Variants in FMNL2 observed in about 807,000 individuals in gnomAD.
FMNL2 encodes formin like 2, also known as formin-like protein 2.
A neutral mutation model predicts 130.2 loss-of-function variants in FMNL2; 51 were observed. The ratio of observed to expected loss-of-function variants is 0.39; its 90% CI spans 0.31 to 0.49. FMNL2 has a LOEUF of 0.49. FMNL2 is among the 20% of genes least tolerant of loss of function. The probability of loss-of-function intolerance (pLI) is 0.85; values close to 1 mark genes in which losing one functional copy is unlikely to be tolerated. For synonymous variants in FMNL2, 465 were observed against 467.1 expected (o/e 1.00, Z 0.06); for missense variants, 977 against 1,316.2 (o/e 0.74, Z 3.99).
intron 9 of FMNL2, among the ~76,000 whole-genome samples, chr2:152,599,244 G>A (rs188890084): frequency 2.6e-5 from 4 of 152,214 alleles, no homozygotes; most frequent in South Asian, 2.1e-4. Flanking sequence ...ATTACAAGTA[G>A]CCTTGAAAGA....
intron 1 of FMNL2, among the ~76,000 whole-genome samples, chr2:152,424,538 G>A (rs1309217234): frequency 6.6e-6 from 1 of 151,958 alleles, no homozygotes; most frequent in African/African-American, 2.4e-5. Context: ...TTACAGGCGT[G>A]CGCCACCATG....
rs1685446576 is a variant in FMNL2, at chr2:152,397,275, A to T, written c.117+61555A>T. ...AAAAAGTCCCAAGCACAGATGGTTCACCTGGGTAATTTGCAAGGAAACTGG... is the reference window on the plus strand; with the variant it reads ...AAAAAGTCCCAAGCACAGATGGTTCTCCTGGGTAATTTGCAAGGAAACTGG... On this transcript the variant is annotated intron_variant, in intron 1 of 25. Coordinates refer to ENST00000288670, the MANE Select transcript of FMNL2 (RefSeq NM_052905.4). Among the ~76,000 whole-genome samples the T allele has an allele frequency of 2.0e-5, 3 of 152,260 alleles. No individual in the cohort carries two copies. In the South Asian group the frequency reaches 6.2e-4, roughly 32 times the overall value.
At chr2:152,472,427 C>A (rs1030014653) in intron 1 of FMNL2, among the ~76,000 whole-genome samples, 1 of 152,070 alleles carries the variant, frequency 6.6e-6, no homozygotes, top group African/African-American at 2.4e-5. Context: ...TAAAAGAACT[C>A]ATTTTATTTA....
At chr2:152,547,969 G>A (rs1481420399) in intron 3 of FMNL2, among the ~76,000 whole-genome samples, 2 of 152,202 alleles carry the variant, frequency 1.3e-5, no homozygotes, top group Non-Finnish European at 2.9e-5. Flanking sequence ...GATGTGCAAT[G>A]TAGCCCATTG....
intron 3 of FMNL2, among the ~76,000 whole-genome samples, chr2:152,546,789 T>G (rs1203240355): frequency 6.6e-6 from 1 of 152,028 alleles, no homozygotes; most frequent in East Asian, 1.9e-4. Flanking sequence ...CCCTAGAATT[T>G]TTTGTCTCCT....
intron 25 of FMNL2, chr2:152,643,295 T>A: frequency 7.4e-7 from 1 of 1,345,552 alleles, no homozygotes; most frequent in Non-Finnish European, 1.0e-6. Context: ...CCCCCTTTCC[T>A]GCCCATCTTC....
chr2:152,611,062 C>T (rs115018312), intron 10 of FMNL2, among the ~76,000 whole-genome samples: 2,140 of 152,252 alleles, frequency 0.014, 51 homozygotes, highest in African/African-American at 0.048. Flanking sequence ...TTAAAGAGGC[C>T]GGGCGCAGTG....
intron 9 of FMNL2, among the ~76,000 whole-genome samples, chr2:152,594,871 T>G (rs1697668548): frequency 6.6e-6 from 1 of 152,222 alleles, no homozygotes. Flanking sequence ...CACAATTGAC[T>G]GAAACACACT....
At chr2:152,523,735 G>A (rs1449958753) in intron 2 of FMNL2, among the ~76,000 whole-genome samples, 1 of 151,946 alleles carries the variant, frequency 6.6e-6, no homozygotes, top group East Asian at 1.9e-4. Flanking sequence ...ATTTAATTTG[G>A]GGCATCCATT....
intron 4 of FMNL2, among the ~76,000 whole-genome samples, chr2:152,554,337 G>A (rs1695095897): frequency 6.6e-6 from 1 of 152,150 alleles, no homozygotes; most frequent in Non-Finnish European, 1.5e-5. Flanking sequence ...AGCCCAGGAG[G>A]TTGAGGCTAC....
intron 1 of FMNL2, among the ~76,000 whole-genome samples, chr2:152,383,557 A>G (rs1279522355): frequency 6.6e-6 from 1 of 152,064 alleles, no homozygotes; most frequent in Non-Finnish European, 1.5e-5. Flanking sequence ...CAACATAATA[A>G]GACCCTGTTT....
intron 15 of FMNL2, 117 bp downstream of exon 15, chr2:152,619,835 G>A: frequency 6.7e-7 from 1 of 1,484,388 alleles, no homozygotes; most frequent in South Asian, 1.3e-5. Context: ...TCTCTTCCTA[G>A]TATAAGAAAT....
chr2:152,481,284 T>C (rs1256352065), intron 1 of FMNL2, among the ~76,000 whole-genome samples: 2 of 152,238 alleles, frequency 1.3e-5, no homozygotes, highest in Non-Finnish European at 2.9e-5. Flanking sequence ...GATCATTTAA[T>C]TGAAACTATC....
chr2:152,401,494 T>C (rs1685689809), intron 1 of FMNL2, among the ~76,000 whole-genome samples: 1 of 152,232 alleles, frequency 6.6e-6, no homozygotes, highest in Non-Finnish European at 1.5e-5. Flanking sequence ...CTTGAAGAAT[T>C]CTTCCTTTTT....
chr2:152,452,986 G>C (rs944374873), intron 1 of FMNL2, among the ~76,000 whole-genome samples: 31 of 152,152 alleles, frequency 2.0e-4, no homozygotes, highest in African/African-American at 7.5e-4. Flanking sequence ...GGTGGATCAC[G>C]AGGTCAGGAG....
chr2:152,451,950 C>G (rs1688671937), intron 1 of FMNL2, among the ~76,000 whole-genome samples: 1 of 152,120 alleles, frequency 6.6e-6, no homozygotes, highest in Non-Finnish European at 1.5e-5. Context: ...TCATTTTCCC[C>G]AAACCCGAAA....
chr2:152,343,030 T>C (rs2105738435), intron 1 of FMNL2, among the ~76,000 whole-genome samples: 1 of 152,372 alleles, frequency 6.6e-6, no homozygotes, highest in South Asian at 2.1e-4. Flanking sequence ...AAACTTCATA[T>C]AGTTTCTGTG....
Position 152,618,872 on chromosome 2 carries a change from A to G in FMNL2, c.1341A>G (p.Gln447=). Residue 447 remains glutamine, a synonymous_variant, in exon 14 of 26, where the codon CAA becomes CAG. Coordinates refer to ENST00000288670, the MANE Select transcript of FMNL2 (RefSeq NM_052905.4). ...VREIYKDANT[Q]VHTLRKMVKE... Reference sequence around the variant, plus strand: ...AAATCTACAAAGATGCAAATACTCAAGTTCACACATTAAGAAAAATGGTCA... The same window carrying G: ...AAATCTACAAAGATGCAAATACTCAGGTTCACACATTAAGAAAAATGGTCA... 2 of 1,607,486 alleles carry G rather than the reference A, an allele frequency of 1.2e-6. No individual in the cohort carries two copies. Among genetic ancestry groups the G allele is most frequent in the South Asian group, 1.1e-5 (1 of 90,000 alleles).
intron 6 of FMNL2, 74 bp from the exon 7 acceptor site, chr2:152,575,062 T>C (rs1696400337): frequency 1.1e-5 from 9 of 789,490 alleles, no homozygotes; most frequent in Non-Finnish European, 1.8e-5. Context: ...TGAAGAGTAG[T>C]GTCTGTTAAG....
Sources: gnomAD v4.1 joint callset for allele counts (sites outside exome capture counted in the v4.1 genomes callset) on GRCh38, gnomAD v4.1.1 for gene constraint, MANE v1.5 for transcripts, NCBI Gene and HGNC (gene_info 2026-07-23, HGNC 2026-07-21) for gene names.